RPS6KC1: variants seen among roughly 807,000 people sequenced by gnomAD.
RPS6KC1 encodes the protein inactive ribosomal protein S6 kinase delta-1.
In RPS6KC1, 54 loss-of-function variants were observed where a neutral mutation model predicts 103.8. The ratio of observed to expected loss-of-function variants is 0.52; its 90% CI spans 0.42 to 0.65. RPS6KC1 has a LOEUF of 0.65. Among genes scored for constraint, RPS6KC1 ranks in the 30% least tolerant of loss-of-function variants. The pLI is 0.00. For synonymous variants in RPS6KC1, 439 were observed against 438.7 expected, an observed-to-expected ratio of 1.00 and a Z score of -0.01; for missense variants, 1,151 against 1,253.8, an observed-to-expected ratio of 0.92 and a Z score of 1.24.
chr1:213,824,904 G>A, the RPS6KC1 span, among the ~76,000 whole-genome samples: 1 of 152,176 alleles, frequency 6.6e-6, no homozygotes, highest in African/African-American at 2.4e-5. Flanking sequence ...TGCAATCCTG[G>A]CAGTGGGACC....
At chr1:213,219,258 A>T (rs1461702441) in intron 8 of RPS6KC1, among the ~76,000 whole-genome samples, 1 of 152,264 alleles carries the variant, frequency 6.6e-6, no homozygotes, top group Non-Finnish European at 1.5e-5. Flanking sequence ...ACATGAAAAA[A>T]TGCTCATCAT....
At chr1:213,068,483 CAAAAA>C (rs71147057) in intron 1 of RPS6KC1, among the ~76,000 whole-genome samples, 180 of 36,340 alleles carry the variant, frequency 5.0e-3, no homozygotes, top group African/African-American at 0.019. Flanking sequence ...GACTCTGTCT[CAAAAA>C]AAAAAAAAAA....
At position 213,051,354 on chromosome 1, in the gene RPS6KC1, T is replaced by C; in HGVS notation, c.-51T>C. On this transcript the variant is annotated 5_prime_UTR_variant, in exon 1 of 15. Coordinates refer to ENST00000366960, the MANE Select transcript of RPS6KC1 (RefSeq NM_012424.6). ...GAACCTGGACCGCGGCGGCGCCGGG[T>C]TTCCCTCATGATCCCGGGCGGGTGG... is the stretch of plus-strand genomic sequence containing the variant. 6.9e-7 allele frequency: 1 copy of C among 1,440,976 alleles called. No homozygotes were observed. The highest frequency in any genetic ancestry group is 9.7e-7 in the Non-Finnish European group (1 of 1,029,212). 89.3% of individuals were successfully genotyped at this position (1,440,976 alleles called of 1,614,324 possible). A position where few individuals can be genotyped will look rare whatever the true frequency, so the allele number is the denominator to read the frequency against.
the RPS6KC1 span, among the ~76,000 whole-genome samples, chr1:213,550,826 G>C: frequency 1.8e-4 from 28 of 152,196 alleles, no homozygotes; most frequent in African/African-American, 6.5e-4. Flanking sequence ...ACCCTGACCT[G>C]AGTGTTGCTT....
the RPS6KC1 span, among the ~76,000 whole-genome samples, chr1:213,730,559 T>A: frequency 3.3e-5 from 5 of 152,266 alleles, no homozygotes; most frequent in African/African-American, 1.2e-4. Context: ...ATTGGCTGCA[T>A]GTATGTCTTC....
the RPS6KC1 span, among the ~76,000 whole-genome samples, chr1:213,753,021 AT>A: frequency 6.6e-6 from 1 of 152,146 alleles, no homozygotes. Context: ...CTTAGAAGAG[AT>A]GTGCAAGGGG....
intron 6 of RPS6KC1, among the ~76,000 whole-genome samples, chr1:213,161,047 T>G (rs1320967798): frequency 2.6e-5 from 4 of 152,212 alleles, no homozygotes; most frequent in Non-Finnish European, 4.4e-5. Context: ...ATTCATTTGT[T>G]TAACAAAATT....
the RPS6KC1 span, among the ~76,000 whole-genome samples, chr1:213,462,319 ATTAG>A: frequency 2.6e-5 from 4 of 152,220 alleles, no homozygotes; most frequent in African/African-American, 9.6e-5. Flanking sequence ...GGGAGTGTAA[ATTAG>A]TTCAACCATT....
At chr1:213,432,167 C>T in the RPS6KC1 span, among the ~76,000 whole-genome samples, 1 of 152,174 alleles carries the variant, frequency 6.6e-6, no homozygotes, top group East Asian at 1.9e-4. Flanking sequence ...AGATACAAGT[C>T]CTATGCACAC....
the RPS6KC1 span, among the ~76,000 whole-genome samples, chr1:213,843,009 A>AT: frequency 6.6e-6 from 1 of 152,186 alleles, no homozygotes; most frequent in Non-Finnish European, 1.5e-5. Context: ...CTGGCAAATC[A>AT]GTAGAGGACA....
chr1:213,797,957 C>G, the RPS6KC1 span, among the ~76,000 whole-genome samples: 1 of 152,316 alleles, frequency 6.6e-6, no homozygotes, highest in African/African-American at 2.4e-5. Context: ...CTAGACCTCT[C>G]AAGAGAGGAG....
the RPS6KC1 span, among the ~76,000 whole-genome samples, chr1:213,428,351 C>T: frequency 6.6e-6 from 1 of 151,824 alleles, no homozygotes; most frequent in Non-Finnish European, 1.5e-5. Context: ...ATATGAGAGA[C>T]CTTCCCTTCC....
chr1:213,115,816 T>C (rs554272377), intron 4 of RPS6KC1, among the ~76,000 whole-genome samples: 1 of 152,354 alleles, frequency 6.6e-6, no homozygotes, highest in South Asian at 2.1e-4. Context: ...ATGTACGCAG[T>C]AGTCATTCAG....
At chr1:213,397,322 A>G in the RPS6KC1 span, among the ~76,000 whole-genome samples, 1 of 151,970 alleles carries the variant, frequency 6.6e-6, no homozygotes, top group Non-Finnish European at 1.5e-5. Context: ...TCTTTTTTAA[A>G]AAAATTCTTC....
the RPS6KC1 span, among the ~76,000 whole-genome samples, chr1:213,839,133 T>C: frequency 0.19 from 28,822 of 152,050 alleles, 3,843 homozygotes; most frequent in East Asian, 0.35. Flanking sequence ...TACTGAGAGG[T>C]GCAAAGAGGA....
At chr1:213,441,018 T>G in the RPS6KC1 span, among the ~76,000 whole-genome samples, 3,796 of 152,276 alleles carry the variant, frequency 0.025, 165 homozygotes, top group African/African-American at 0.087. Context: ...CCCGTTCAAG[T>G]GGAAGCTAAT....
intron 1 of RPS6KC1, among the ~76,000 whole-genome samples, chr1:213,060,589 G>T (rs2077745232): frequency 1.3e-5 from 2 of 152,150 alleles, no homozygotes; most frequent in South Asian, 4.1e-4. Flanking sequence ...CTTAAAAAAT[G>T]TAAACCATTC....
chr1:213,759,664 A>G, the RPS6KC1 span, among the ~76,000 whole-genome samples: 3 of 151,952 alleles, frequency 2.0e-5, no homozygotes, highest in Non-Finnish European at 2.9e-5. Flanking sequence ...GGCCTGGCCT[A>G]CTCTGTCCTG....
At chr1:213,492,535 G>A in the RPS6KC1 span, 1 of 152,358 alleles carries the variant, frequency 6.6e-6, no homozygotes, top group African/African-American at 2.4e-5. Flanking sequence ...GGGTCTTTGT[G>A]TGAAGGATTC....
Sources: gnomAD v4.1 joint callset for allele counts (sites outside exome capture counted in the v4.1 genomes callset) on GRCh38, gnomAD v4.1.1 for gene constraint, MANE v1.5 for transcripts, NCBI Gene and HGNC (gene_info 2026-07-23, HGNC 2026-07-21) for gene names.